ACE: variants seen among roughly 807,000 people sequenced by gnomAD.
ACE encodes angiotensin-converting enzyme.
A neutral mutation model predicts 162.3 loss-of-function variants in ACE; 122 were observed. The observed-to-expected ratio is 0.75, with a 90% CI of 0.65 to 0.87. The LOEUF is 0.87. ACE is among the 40% of genes least tolerant of loss of function. The pLI is 0.00. For missense variants in ACE, 1,799 were observed against 1,735.1 expected, an observed-to-expected ratio of 1.04 and a Z score of -0.65; for synonymous variants, 796 against 720.6, an observed-to-expected ratio of 1.10 and a Z score of -1.68.
chr17:63,481,491 G>A, intron 6 of ACE, 75 bp from the exon 7 acceptor site: 1 of 1,545,516 alleles, frequency 6.5e-7, no homozygotes, highest in Non-Finnish European at 8.9e-7. Context: ...GTTGACCCGA[G>A]ATGGGGACCC....
Position 63,483,567 on chromosome 17 carries a change from G to GCGGGC in ACE, c.1586+10_1586+11insGGGCC. On this transcript the variant is annotated intron_variant, in intron 10 of 24. Coordinates refer to ENST00000290866, the MANE Select transcript of ACE (RefSeq NM_000789.4). ...GTGACACCATACATCAGGTATTAGC[G>GCGGGC]CCCCCACCCCACCCACCCCCAGTAC... is the stretch of plus-strand genomic sequence containing the variant. The GCGGGC allele has an allele frequency of 6.3e-6, 10 of 1,589,524 alleles. No homozygotes were observed. Among genetic ancestry groups the GCGGGC allele is most frequent in the Non-Finnish European group, 8.6e-6 (10 of 1,165,642 alleles).
In ACE at chr17:63,491,013, G is replaced by A; in HGVS notation, c.2701G>A (p.Ala901Thr). The change falls in exon 18 of 25, where the codon GCC becomes ACC. Residue 901 changes from alanine to threonine, a missense_variant. Transcript: ENST00000290866. This position sits in a 1 kb window ranked among gnomAD's most constrained non-coding sequence, Gnocchi z 4.4. ...TGACTTGGTGGTGCCCTTCCCTTCA[G>A]CCCCCTCGATGGACACCACAGAGGC... ...IYDLVVPFPSAPSMDTTEAML... is the reference protein window; with the variant it reads ...IYDLVVPFPSTPSMDTTEAML... The A allele has an allele frequency of 6.2e-7, 1 of 1,614,188 alleles. No homozygotes were observed. The highest frequency in any genetic ancestry group is 8.5e-7 in the Non-Finnish European group (1 of 1,180,038).
chr17:63,482,377 T>C, intron 7 of ACE, 89 bp from the exon 8 acceptor site: 4 of 1,204,792 alleles, frequency 3.3e-6, no homozygotes, highest in Non-Finnish European at 4.8e-6. Context: ...TCCTCATTCC[T>C]GTCTTTCAGG....
chr17:63,484,842 C>A lies in ACE; in HGVS notation c.1921+301C>A. ...GCTCTTATTGGCCAGGGGACGGTAG[C>A]TGCAGGACTCTGCTCTCCTGCGGCC... On this transcript the variant is annotated intron_variant, in intron 12 of 24. Transcript: ENST00000290866. This position sits in a 1 kb window ranked among gnomAD's most constrained non-coding sequence, Gnocchi z 4.0. The A allele has an allele frequency of 6.4e-7, 1 of 1,554,010 alleles. No homozygotes were observed. The highest frequency in any genetic ancestry group is 8.7e-7 in the Non-Finnish European group (1 of 1,148,826).
Position 63,479,779 on chromosome 17 carries a change from C to T in ACE, c.522C>T (p.Asn174=), listed in dbSNP as rs754967630. 6.2e-7 allele frequency: 1 copy of T among 1,613,390 alleles called. No homozygotes were observed. The highest frequency in any genetic ancestry group is 1.1e-5 in the South Asian group (1 of 91,090). ...TCWSLDPDLT[N]ILASSRSYAM... The stretch of plus-strand genomic sequence containing the variant: ...CTGCCTGTGTCTCAGATCTCACCAA[C>T]ATCCTGGCTTCCTCGCGAAGCTACG... The change falls in exon 4 of 25, where the codon AAC becomes AAT. Residue 174 remains asparagine, a synonymous_variant. Coordinates refer to ENST00000290866, the MANE Select transcript of ACE (RefSeq NM_000789.4).
intron 17 of ACE, 137 bp downstream of exon 17, chr17:63,489,269 G>C (rs1230374910): frequency 1.8e-6 from 2 of 1,114,194 alleles, no homozygotes; most frequent in East Asian, 5.2e-5. Context: ...GGTTGCCCAG[G>C]CTGGAGGGGG....
In ACE at chr17:63,488,986, C is replaced by T. The variant is rs761838241; in HGVS notation, c.2495C>T (p.Pro832Leu). The change falls in exon 17 of 25, where the codon CCA (proline) becomes CTA (leucine). Residue 832 changes from proline (P) to leucine (L), a missense_variant. Pro to Leu is a moderately conservative substitution (Grantham distance 98). Transcript: ENST00000290866. ...GDSWRSMYET[P>L]SLEQDLERLF... is the part of the protein sequence containing the mutation. ...TCGTGGAGGTCTATGTACGAGACAC[C>T]ATCCCTGGAGCAAGACCTGGAGCGG... The T allele has an allele frequency of 6.2e-7, 1 of 1,614,166 alleles. No individual in the cohort carries two copies. Among genetic ancestry groups the T allele is most frequent in the East Asian group, 2.2e-5 (1 of 44,878 alleles).
rs201780696 is a variant in ACE, at chr17:63,483,135, C to A, written c.1449C>A (p.Thr483=). The A allele has an allele frequency of 3.1e-6, 5 of 1,614,012 alleles. No individual in the cohort carries two copies. Among genetic ancestry groups the A allele is most frequent in the Non-Finnish European group, 4.2e-6 (5 of 1,180,010 alleles). Residue 483 remains threonine (T), a synonymous_variant, in exon 9 of 25, where the codon ACC becomes ACA. Transcript: ENST00000290866. ...QWRWGVFSGR[T]PPSRYNFDWW... is the part of the protein sequence containing the mutation. ...GCTGGGGGGTCTTTAGTGGGCGTAC[C>A]CCCCCTTCCCGCTACAACTTCGACT... is the stretch of plus-strand genomic sequence containing the variant.
rs1331766879 is a variant in ACE, at chr17:63,477,314, A to G, written c.220A>G (p.Asn74Asp). 17 of 1,401,274 alleles carry G rather than the reference A, an allele frequency of 1.2e-5. No individual in the cohort carries two copies. Among genetic ancestry groups the G allele is most frequent in the Non-Finnish European group, 1.5e-5 (16 of 1,067,776 alleles). The allele number at this position is 1,401,274 out of a possible 1,614,324, so 86.8% of individuals were successfully genotyped here. ...SVAASWAHDTNITAENARRQE... is the reference protein window; with the variant it reads ...SVAASWAHDTDITAENARRQE... ...GGCCGCCAGCTGGGCGCACGACACC[A>G]ACATCACCGCGGAGAATGCAAGGCG... Residue 74 changes from asparagine (N) to aspartate (D), a missense_variant, in exon 1 of 25, where the codon AAC becomes GAC. By Grantham distance (23) the Asn-to-Asp change is conservative (BLOSUM62 1). Transcript: ENST00000290866.
At chr17:63,490,931 C>A in intron 17 of ACE, 23 bp from the exon 18 acceptor site, 1 of 1,610,220 alleles carries the variant, frequency 6.2e-7, no homozygotes, top group Non-Finnish European at 8.5e-7. Context: ...CCTCTCTCTG[C>A]CGTCCCCCAC....
In ACE at chr17:63,483,944, G is replaced by A. The variant is rs780299861; in HGVS notation, c.1682G>A (p.Arg561Gln). The A allele has an allele frequency of 3.0e-5, 49 of 1,613,900 alleles. No homozygotes were observed. The highest frequency in any genetic ancestry group is 3.8e-5 in the Non-Finnish European group (45 of 1,179,994). ...CCACTGCACCAGTGTGACATCTACC[G>A]GTCCACCAAGGCAGGGGCCAAGCTC... ...EGPLHQCDIY[R>Q]STKAGAKLRK... Residue 561 changes from arginine (R) to glutamine (Q), a missense_variant, in exon 11 of 25, where the codon CGG becomes CAG. By Grantham distance (43) the Arg-to-Gln change is conservative (BLOSUM62 1). Coordinates refer to ENST00000290866, the MANE Select transcript of ACE (RefSeq NM_000789.4).
chr17:63,481,054 G>A (rs2049699468), intron 5 of ACE, 37 bp from the exon 6 acceptor site: 13 of 1,599,844 alleles, frequency 8.1e-6, no homozygotes, highest in Non-Finnish European at 1.0e-5. Context: ...GCACAGCCAG[G>A]CAGGGAGCCA....
rs2029991509 is a variant in ACE, at chr17:63,486,977, C to T, written c.2218-9C>T. On this transcript the variant is annotated splice_polypyrimidine_tract_variant and intron_variant, in intron 14 of 24. Coordinates refer to ENST00000290866, the MANE Select transcript of ACE (RefSeq NM_000789.4). Reference sequence around the variant, plus strand: ...GAGTACAGCTCATTGCCTCTCCTTCCTCCTGCAGTACAACAAGATCCTGTT... The same window carrying T: ...GAGTACAGCTCATTGCCTCTCCTTCTTCCTGCAGTACAACAAGATCCTGTT... 3.1e-6 allele frequency: 5 copies of T among 1,612,092 alleles called. No homozygotes were observed. In the East Asian group the frequency reaches 6.7e-5, roughly 22 times the overall value.
chr17:63,485,112 C>A (rs748936553), intron 12 of ACE, 124 bp from the exon 13 acceptor site: 2 of 1,299,392 alleles, frequency 1.5e-6, no homozygotes, highest in Admixed American at 4.1e-5. Flanking sequence ...GTGGGAGAGG[C>A]GGGGCCGGGT....
chr17:63,494,568 G>C, intron 22 of ACE, 98 bp downstream of exon 22: 1 of 1,136,278 alleles, frequency 8.8e-7, no homozygotes, highest in Non-Finnish European at 1.3e-6. Context: ...CTGTCAGTCA[G>C]GGCAGACCCG....
At chr17:63,482,810 C>G in intron 8 of ACE, 121 bp downstream of exon 8, 28 of 1,212,686 alleles carry the variant, frequency 2.3e-5, no homozygotes, top group Non-Finnish European at 3.3e-5. Flanking sequence ...CCAGGTCAGG[C>G]AGGGTTCGGG....
chr17:63,481,688 A>G lies in ACE; in HGVS notation c.1068A>G (p.Glu356=), dbSNP rs2049712720. The stretch of plus-strand genomic sequence containing the variant: ...TGGAGAAGCCGGCCGACGGGCGGGA[A>G]GTGGTGTGCCACGCCTCGGCTTGGG... ...SMLEKPADGR[E]VVCHASAWDF... Residue 356 remains glutamate (E), a synonymous_variant, in exon 7 of 25, where the codon GAA becomes GAG. Transcript: ENST00000290866. The G allele has an allele frequency of 1.9e-6, 3 of 1,614,044 alleles. No individual in the cohort carries two copies. Among genetic ancestry groups the G allele is most frequent in the Admixed American group, 3.3e-5 (2 of 60,006 alleles).
chr17:63,487,888 C>G (rs1024699895), intron 15 of ACE, among the ~76,000 whole-genome samples: 1 of 152,178 alleles, frequency 6.6e-6, no homozygotes, highest in Non-Finnish European at 1.5e-5. Context: ...AAACGGTTTT[C>G]CCAGGACAGG....
At position 63,484,421 on chromosome 17, in the gene ACE, A is replaced by G. The variant is rs1188841988; in HGVS notation, c.1801A>G (p.Lys601Glu). The change falls in exon 12 of 25, where the codon AAG (lysine) becomes GAG (glutamate). Residue 601 changes from lysine (K) to glutamate (E), a missense_variant. Lys to Glu is a moderately conservative substitution (Grantham distance 56). Coordinates refer to ENST00000290866, the MANE Select transcript of ACE (RefSeq NM_000789.4). The surrounding 1 kb of genome is among the most constrained non-coding windows in gnomAD (Gnocchi z 4.0). ...TGCCCTGGATGCCCAGCCGCTGCTC[A>G]AGTACTTCCAGCCAGTCACCCAGTG... The part of the protein sequence containing the change: ...LDALDAQPLL[K>E]YFQPVTQWLQ... The G allele has an allele frequency of 1.2e-6, 2 of 1,612,470 alleles. No homozygotes were observed. Among genetic ancestry groups the G allele is most frequent in the South Asian group, 2.2e-5 (2 of 90,912 alleles).
Sources: gnomAD v4.1 joint callset for allele counts (sites outside exome capture counted in the v4.1 genomes callset) on GRCh38, gnomAD v4.1.1 for gene constraint, Gnocchi (gnomAD v3.1) non-coding constraint, MANE v1.5 for transcripts, NCBI Gene and HGNC (gene_info 2026-07-23, HGNC 2026-07-21) for gene names.